The following SNRNP40 variants were observed in gnomAD, a reference collection of about 807,000 sequenced individuals.
The protein encoded by SNRNP40 is small nuclear ribonucleoprotein U5 subunit 40, also known as U5 small nuclear ribonucleoprotein 40 kDa protein.
Under a neutral mutation model 45.8 loss-of-function variants are expected in SNRNP40, and 21 were observed. That is an observed-to-expected ratio of 0.46 (90% confidence interval 0.32 to 0.66). The LOEUF is 0.66. Among genes scored for constraint, SNRNP40 ranks in the 30% least tolerant of loss-of-function variants. SNRNP40 has a pLI of 0.03. For synonymous variants in SNRNP40, 142 were observed against 163.8 expected, an observed-to-expected ratio of 0.87 and a Z score of 1.01; for missense variants, 344 against 439.1, an observed-to-expected ratio of 0.78 and a Z score of 1.94.
In SNRNP40 at chr1:31,296,715, G is replaced by T; in HGVS notation, c.37C>A (p.Pro13Thr). ...CGCTGCCGCTTGACTGGAACCAGCG[G>T]CAACTCTGGGCCCTTACGCTTCTGC... Reference protein sequence around the residue: ...EQQKRKGPELPLVPVKRQRHE... With the variant: ...EQQKRKGPELTLVPVKRQRHE... The change falls in exon 1 of 10, where the codon CCG (proline) becomes ACG (threonine). Residue 13 changes from proline to threonine, a missense_variant. Around this residue, in one of 2 missense-constraint regions of SNRNP40, gnomAD observed 90 missense variants for 58.9 expected, o/e 1.53. Coordinates refer to ENST00000263694, the MANE Select transcript of SNRNP40 (RefSeq NM_004814.3). The T allele has an allele frequency of 1.2e-6, 2 of 1,613,466 alleles. No homozygotes were observed. The highest frequency in any genetic ancestry group is 1.7e-6 in the Non-Finnish European group (2 of 1,179,694).
chr1:31,271,920 C>A (rs1368061115), intron 5 of SNRNP40, among the ~76,000 whole-genome samples: 2 of 152,202 alleles, frequency 1.3e-5, no homozygotes, highest in African/African-American at 4.8e-5. Flanking sequence ...CACGCATGAG[C>A]CACTATGCCT....
intron 4 of SNRNP40, chr1:31,282,502 TC>T (rs1371095220): frequency 2.0e-5 from 3 of 151,328 alleles, no homozygotes; most frequent in African/African-American, 7.3e-5. Flanking sequence ...TATCTATCTA[TC>T]TATCTATCTA....
intron 3 of SNRNP40, among the ~76,000 whole-genome samples, chr1:31,290,862 A>G (rs1646101026): frequency 6.6e-6 from 1 of 151,440 alleles, no homozygotes; most frequent in Admixed American, 6.6e-5. Context: ...TGGGCGACAG[A>G]GCAAGACTCC....
chr1:31,265,037 G>T (rs1019560123), intron 8 of SNRNP40, among the ~76,000 whole-genome samples: 9 of 152,140 alleles, frequency 5.9e-5, no homozygotes, highest in Admixed American at 5.9e-4. Flanking sequence ...TTGACTTGGG[G>T]CCAATTGGTG....
intron 4 of SNRNP40, among the ~76,000 whole-genome samples, chr1:31,286,057 CT>C (rs1410061176): frequency 6.6e-6 from 1 of 151,656 alleles, no homozygotes; most frequent in African/African-American, 2.4e-5. Flanking sequence ...GCCCTGGTTC[CT>C]TTTAATGGAA....
At chr1:31,295,109 G>A (rs2148393166) in intron 1 of SNRNP40, among the ~76,000 whole-genome samples, 1 of 152,286 alleles carries the variant, frequency 6.6e-6, no homozygotes, top group South Asian at 2.1e-4. Context: ...CAAAAGAAGG[G>A]ATGGGGATGG....
intron 3 of SNRNP40, among the ~76,000 whole-genome samples, chr1:31,290,712 T>C (rs901551297): frequency 5.9e-5 from 9 of 151,382 alleles, no homozygotes; most frequent in South Asian, 2.1e-4. Context: ...CCCATCTCTA[T>C]TAAAAATACA....
At chr1:31,281,289 G>T in intron 5 of SNRNP40, 85 bp downstream of exon 5, 1 of 1,193,706 alleles carries the variant, frequency 8.4e-7, no homozygotes, top group Non-Finnish European at 1.2e-6. Context: ...TAAGTGCAAA[G>T]CTACCACAAT....
Position 31,281,384 on chromosome 1 carries a change from T to C in SNRNP40, c.644A>G (p.Asn215Ser), listed in dbSNP as rs1646015486. The part of the protein sequence containing the change: ...SDQIISGGID[N>S]DIKVWDLRQN... The stretch of plus-strand genomic sequence containing the variant: ...AAACATCAAACATACCTTGATATCA[T>C]TGTCTATTCCACCAGAAATAATCTG... The change falls in exon 5 of 10, where the codon AAT becomes AGT. Residue 215 changes from asparagine to serine, a missense_variant. Physicochemically the swap from Asn to Ser is conservative, Grantham distance 46 (BLOSUM62 1). Around this residue, in one of 2 missense-constraint regions of SNRNP40, gnomAD observed 254 missense variants for 380.2 expected, o/e 0.67. Coordinates refer to ENST00000263694, the MANE Select transcript of SNRNP40 (RefSeq NM_004814.3). 6 of 1,594,200 alleles carry C rather than the reference T, an allele frequency of 3.8e-6. No individual in the cohort carries two copies. The highest frequency in any genetic ancestry group is 2.6e-6 in the Non-Finnish European group (3 of 1,163,862).
intron 2 of SNRNP40, among the ~76,000 whole-genome samples, chr1:31,292,338 G>C (rs1646113493): frequency 1.3e-5 from 2 of 152,158 alleles, no homozygotes; most frequent in African/African-American, 4.8e-5. Context: ...CTCCAACCTG[G>C]GTGACAGAGT....
chr1:31,267,578 G>A (rs1645907886), intron 8 of SNRNP40, among the ~76,000 whole-genome samples: 1 of 152,132 alleles, frequency 6.6e-6, no homozygotes, highest in Non-Finnish European at 1.5e-5. Context: ...TGCTGCCCGG[G>A]CTGGAGCAGT....
chr1:31,281,283 T>G, intron 5 of SNRNP40, 91 bp downstream of exon 5: 2 of 1,115,242 alleles, frequency 1.8e-6, no homozygotes, highest in Non-Finnish European at 2.6e-6. Flanking sequence ...TGGTATTAAG[T>G]GCAAAGCTAC....
rs140585631 is a variant in SNRNP40, at chr1:31,289,228, C to T, written c.531+26G>A. On this transcript the variant is annotated intron_variant, in intron 4 of 9. Coordinates refer to ENST00000263694, the MANE Select transcript of SNRNP40 (RefSeq NM_004814.3). ...GGTTCACATCACATCACCTCAGAAA[C>T]TGGAACACGGAGAGACAATACCCAC... The T allele has an allele frequency of 2.5e-3, 4,034 of 1,609,026 alleles. 2 individuals are homozygous for T. Among genetic ancestry groups the T allele is most frequent in the Non-Finnish European group, 3.2e-3 (3,768 of 1,176,824 alleles).
chr1:31,283,635 C>T (rs1569662812), intron 4 of SNRNP40, among the ~76,000 whole-genome samples: 1 of 152,230 alleles, frequency 6.6e-6, no homozygotes, highest in African/African-American at 2.4e-5. Flanking sequence ...CTCACCTTAC[C>T]CCAACCCACA....
intron 4 of SNRNP40, 36 bp from the exon 5 acceptor site, chr1:31,281,532 C>T (rs925772899): frequency 1.5e-5 from 23 of 1,572,202 alleles, no homozygotes; most frequent in Non-Finnish European, 1.7e-5. Context: ...TCAGCAACAT[C>T]ATTCTAAGAA....
At chr1:31,294,867 G>A (rs1430528215) in intron 1 of SNRNP40, among the ~76,000 whole-genome samples, 10 of 149,520 alleles carry the variant, frequency 6.7e-5, no homozygotes, top group South Asian at 4.3e-4. Flanking sequence ...GCTTGAACCC[G>A]GGTGGCGGAG....
chr1:31,262,130 T>C (rs547760981), intron 8 of SNRNP40, among the ~76,000 whole-genome samples: 144 of 152,208 alleles, frequency 9.5e-4, no homozygotes, highest in Middle Eastern at 3.4e-3. Flanking sequence ...ATATTTATAG[T>C]GTTTGCTAAC....
At chr1:31,266,172 TATTC>T in intron 8 of SNRNP40, among the ~76,000 whole-genome samples, 1 of 152,212 alleles carries the variant, frequency 6.6e-6, no homozygotes. Flanking sequence ...TGTTCAGAAT[TATTC>T]ATTAATAGAA....
intron 4 of SNRNP40, among the ~76,000 whole-genome samples, chr1:31,287,448 T>C (rs1205066292): frequency 6.6e-6 from 1 of 152,182 alleles, no homozygotes. Flanking sequence ...TATACTCTTT[T>C]TCTACTACCT....
Sources: allele counts gnomAD v4.1 joint callset (sites outside exome capture counted in the v4.1 genomes callset), GRCh38; gene constraint gnomAD v4.1.1; regional missense constraint gnomAD v4.1.1; transcripts MANE v1.5; gene names NCBI Gene and HGNC (gene_info 2026-07-23, HGNC 2026-07-21).